The following MBTPS2 variants were observed in gnomAD, a reference collection of about 807,000 sequenced individuals.
MBTPS2 encodes the protein membrane-bound transcription factor site-2 protease.
A neutral mutation model predicts 35.4 loss-of-function variants in MBTPS2; 2 were observed. The observed-to-expected ratio is 0.06, with a 90% CI of 0.02 to 0.18. The LOEUF is 0.18. Ranked by LOEUF, MBTPS2 falls within the 10% of genes least tolerant of loss-of-function variation. The pLI, the probability that MBTPS2 is intolerant of heterozygous loss-of-function variation, is 1.00. For missense variants in MBTPS2, 244 were observed against 386.5 expected (o/e 0.63, Z 3.09); for synonymous variants, 125 against 140.4 (o/e 0.89, Z 0.77).
chrX:21,857,039 G>T, intron 5 of MBTPS2: 1 of 1,211,906 alleles, frequency 8.3e-7, no homozygotes, highest in Non-Finnish European at 1.1e-6. Context: ...AGTTTTCCGT[G>T]ACTATGTGGT....
At position 21,839,662 on chromosome X, in the gene MBTPS2, C is replaced by T. The variant is rs1282458256; in HGVS notation, c.-73C>T. ...GCGGATGCTGGGGCTGTAAGGCGCGCGCGGTCAGCTGTTGGCGGTGCAGGG... is the reference window on the plus strand; with the variant it reads ...GCGGATGCTGGGGCTGTAAGGCGCGTGCGGTCAGCTGTTGGCGGTGCAGGG... On this transcript the variant is annotated 5_prime_UTR_variant, in exon 1 of 11. Coordinates refer to ENST00000379484, the MANE Select transcript of MBTPS2 (RefSeq NM_015884.4). 4.7e-6 allele frequency: 5 copies of T among 1,058,207 alleles called. No individual in the cohort carries two copies. Among genetic ancestry groups the T allele is most frequent in the African/African-American group, 3.7e-5 (2 of 53,742 alleles). 87.2% of individuals were successfully genotyped at this position (1,058,207 alleles called of 1,213,427 possible).
chrX:21,848,386 T>C (rs1445654021), intron 3 of MBTPS2, among the ~76,000 whole-genome samples: 1 of 107,386 alleles, frequency 9.3e-6, no homozygotes, highest in East Asian at 2.9e-4. Flanking sequence ...ACCATTGCAC[T>C]CCAGCCTGGG....
At chrX:21,876,536 G>T (rs1264385631) in intron 7 of MBTPS2, among the ~76,000 whole-genome samples, 1 of 108,196 alleles carries the variant, frequency 9.2e-6, no homozygotes, top group Non-Finnish European at 1.9e-5. Flanking sequence ...CTATACTCCA[G>T]CCTGGGTGAC....
chrX:21,845,426 G>A, intron 3 of MBTPS2, 42 bp downstream of exon 3: 3 of 1,120,414 alleles, frequency 2.7e-6, no homozygotes, highest in Non-Finnish European at 3.6e-6. Context: ...TCGAAATAGA[G>A]ATGCAAGATA....
chrX:21,874,635 A>T (rs1480803908), intron 7 of MBTPS2, among the ~76,000 whole-genome samples: 1 of 111,552 alleles, frequency 9.0e-6, no homozygotes, highest in African/African-American at 3.3e-5. Context: ...CTTAGGGTAC[A>T]TTCAAAATAT....
chrX:21,868,783 T>C (rs1208641855), intron 6 of MBTPS2, among the ~76,000 whole-genome samples, 198 bp downstream of exon 6: 1 of 112,658 alleles, frequency 8.9e-6, no homozygotes, highest in East Asian at 2.8e-4. Flanking sequence ...ATGAAAATTG[T>C]TTTTGTCCTG....
intron 5 of MBTPS2, chrX:21,856,860 T>C: frequency 1.7e-6 from 2 of 1,211,146 alleles, no homozygotes; most frequent in South Asian, 3.5e-5. Flanking sequence ...TCTGTCGGCC[T>C]CGGCGGCATC....
chrX:21,874,020 C>CTT (rs57913652), intron 7 of MBTPS2, among the ~76,000 whole-genome samples: 9 of 51,012 alleles, frequency 1.8e-4, no homozygotes, highest in Non-Finnish European at 2.1e-4. Context: ...TATATATATA[C>CTT]TTTTTTTTTT....
At chrX:21,869,962 C>T (rs2092945160) in intron 7 of MBTPS2, 2 of 255,847 alleles carry the variant, frequency 7.8e-6, no homozygotes, top group Non-Finnish European at 7.0e-6. Flanking sequence ...AAATCATAGC[C>T]GGGCGCAGTG....
chrX:21,861,829 C>T (rs2092931773), intron 5 of MBTPS2, among the ~76,000 whole-genome samples: 1 of 103,010 alleles, frequency 9.7e-6, no homozygotes, highest in East Asian at 3.2e-4. Context: ...CTAGACCATA[C>T]TTTGTCTGGC....
At chrX:21,865,952 T>TTTTG (rs775263244) in intron 5 of MBTPS2, among the ~76,000 whole-genome samples, 4 of 111,580 alleles carry the variant, frequency 3.6e-5, no homozygotes, top group East Asian at 2.8e-4. Flanking sequence ...GACCCATGAT[T>TTTTG]TTTGTTTGTT....
intron 3 of MBTPS2, among the ~76,000 whole-genome samples, chrX:21,846,513 G>A (rs1177647661): frequency 9.0e-6 from 1 of 111,706 alleles, no homozygotes; most frequent in Non-Finnish European, 1.9e-5. Context: ...TGGGATTACA[G>A]GCATGCACCA....
In MBTPS2 at chrX:21,878,185, A is replaced by C. The variant is rs765197608; in HGVS notation, c.1065+49A>C. The C allele has an allele frequency of 2.1e-4, 185 of 895,609 alleles. 4 individuals carry two copies. In the Admixed American group the frequency reaches 3.7e-3, roughly 18 times the overall value. 73.8% of individuals were successfully genotyped at this position (895,609 alleles called of 1,213,427 possible). A position where few individuals can be genotyped will look rare whatever the true frequency, so the allele number is the denominator to read the frequency against. ...TGCTTGTCTGATATAATTACTAAAA[A>C]ATAAGCATATAGAGCTAAAATGGAA... On this transcript the variant is annotated intron_variant, in intron 8 of 10. Transcript: ENST00000379484.
intron 5 of MBTPS2, chrX:21,857,261 C>T (rs748433769): frequency 8.3e-7 from 1 of 1,210,060 alleles, no homozygotes; most frequent in East Asian, 3.0e-5. Flanking sequence ...GCTCTTATAG[C>T]GGCTGCGAAA....
At chrX:21,857,289 G>A in intron 5 of MBTPS2, 1 of 1,211,660 alleles carries the variant, frequency 8.3e-7, no homozygotes, top group South Asian at 1.8e-5. Flanking sequence ...CCGGGATTAC[G>A]CCGCCATGAG....
chrX:21,862,933 C>CATATAT (rs542223686), intron 5 of MBTPS2, among the ~76,000 whole-genome samples: 388 of 27,646 alleles, frequency 0.014, 21 homozygotes, highest in East Asian at 0.023. Flanking sequence ...TATATATAAA[C>CATATAT]ATATATATAT....
intron 3 of MBTPS2, among the ~76,000 whole-genome samples, chrX:21,845,649 G>A (rs927720553): frequency 1.3e-4 from 15 of 112,142 alleles, no homozygotes; most frequent in Admixed American, 1.9e-4. Flanking sequence ...ATACGTGACT[G>A]TCTTTTTAAG....
At chrX:21,882,298 T>G in intron 10 of MBTPS2, 135 bp from the exon 11 acceptor site, 1 of 526,245 alleles carries the variant, frequency 1.9e-6, no homozygotes. Context: ...TAAGAAGGAA[T>G]GGCAGAGATT....
intron 5 of MBTPS2, among the ~76,000 whole-genome samples, chrX:21,865,753 T>G: frequency 8.9e-6 from 1 of 112,522 alleles, no homozygotes; most frequent in Non-Finnish European, 1.9e-5. Context: ...TGGTGACCTG[T>G]AAATCATTTC....
Sources: gnomAD v4.1 joint callset for allele counts (sites outside exome capture counted in the v4.1 genomes callset) on GRCh38, gnomAD v4.1.1 for gene constraint, MANE v1.5 for transcripts, NCBI Gene and HGNC (gene_info 2026-07-23, HGNC 2026-07-21) for gene names.